UBE2D4: variants seen among roughly 807,000 people sequenced by gnomAD.
The protein encoded by UBE2D4 is ubiquitin-conjugating enzyme E2 D4.
Under a neutral mutation model 23.0 loss-of-function variants are expected in UBE2D4, and 17 were observed. The ratio of observed to expected loss-of-function variants is 0.74; its 90% CI spans 0.51 to 1.11. The LOEUF is 1.11. UBE2D4 is among the 50% of genes least tolerant of loss of function. The pLI, the probability that UBE2D4 is intolerant of heterozygous loss-of-function variation, is 0.00. For missense variants in UBE2D4, 139 were observed against 181.8 expected (o/e 0.76, Z 1.35); for synonymous variants, 61 against 69.4 (o/e 0.88, Z 0.60).
At chr7:43,929,510 G>T (rs2095940866) in intron 1 of UBE2D4, among the ~76,000 whole-genome samples, 1 of 151,810 alleles carries the variant, frequency 6.6e-6, no homozygotes, top group Middle Eastern at 3.2e-3. Flanking sequence ...AGCTACTTAG[G>T]AGGCTAAGGT....
intron 6 of UBE2D4, among the ~76,000 whole-genome samples, chr7:43,951,632 C>T (rs1306576740): frequency 6.6e-6 from 1 of 152,040 alleles, no homozygotes; most frequent in Non-Finnish European, 1.5e-5. Flanking sequence ...CCAGGCTCAA[C>T]CTATCCTCCT....
intron 1 of UBE2D4, among the ~76,000 whole-genome samples, chr7:43,931,289 T>G (rs1347830977): frequency 3.3e-5 from 5 of 151,796 alleles, no homozygotes; most frequent in Admixed American, 3.3e-4. Flanking sequence ...ATAGAAAAAA[T>G]TAGACAGGCA....
At chr7:43,934,018 A>T (rs890315908) in intron 1 of UBE2D4, among the ~76,000 whole-genome samples, 1 of 152,240 alleles carries the variant, frequency 6.6e-6, no homozygotes, top group Admixed American at 6.5e-5. Context: ...TTTAGCACTG[A>T]AAAGAAAAGC....
rs2096009630 is a variant in UBE2D4, at chr7:43,954,520, GGCCTCCCAAAGTGCTGGGATTACAGGC to G, written c.*1827_*1853del. 6.6e-6 allele frequency: 1 copy of G among 152,134 alleles called. No homozygotes were observed. The highest frequency in any genetic ancestry group is 2.4e-5 in the African/African-American group (1 of 41,420). The allele number at this position is 152,134 out of a possible 1,614,324, so 9.4% of individuals were successfully genotyped here. A position where few individuals can be genotyped will look rare whatever the true frequency, so the allele number is the denominator to read the frequency against. ...TGGCCTCAAGTGACCCGCCCACATTGGCCTCCCAAAGTGCTGGGATTACAGGCGTGAGCCCCCGTGCCCAGCAAGGAT... is the reference window on the plus strand; with the variant it reads ...TGGCCTCAAGTGACCCGCCCACATTGGTGAGCCCCCGTGCCCAGCAAGGAT... On this transcript the variant is annotated 3_prime_UTR_variant, in exon 7 of 7. Transcript: ENST00000222402.
intron 6 of UBE2D4, among the ~76,000 whole-genome samples, chr7:43,951,386 G>A (rs950259205): frequency 2.0e-4 from 31 of 152,340 alleles, no homozygotes; most frequent in African/African-American, 7.0e-4. Flanking sequence ...GGCAGGGGCC[G>A]CAGTCCAGTG....
rs1010984012 is a variant in UBE2D4 at position 43,944,384 on chromosome 7, T to G, written c.198+1353T>G. The G allele has an allele frequency of 5.9e-5, 9 of 152,166 alleles. No individual in the cohort carries two copies. Among genetic ancestry groups the G allele is most frequent in the African/African-American group, 2.2e-4 (9 of 41,424 alleles). The allele number at this position is 152,166 out of a possible 1,614,324, so 9.4% of individuals were successfully genotyped here. A position where few individuals can be genotyped will look rare whatever the true frequency, so the allele number is the denominator to read the frequency against. On this transcript the variant is annotated intron_variant, in intron 4 of 6. Transcript: ENST00000222402. This position sits in a 1 kb window ranked among gnomAD's most constrained non-coding sequence, Gnocchi z 4.0. ...GGTTGTGCATTTTGTCAAGACTTAC[T>G]CGAAAGTCCTGCATCTGCATCAGAC... is the stretch of plus-strand genomic sequence containing the variant.
intron 1 of UBE2D4, 54 bp from the exon 2 acceptor site, chr7:43,938,377 T>A (rs751788479): frequency 1.9e-6 from 3 of 1,545,372 alleles, no homozygotes; most frequent in Non-Finnish European, 2.7e-6. Context: ...GATTGGTATG[T>A]AGAGGCAGCA....
At chr7:43,929,768 T>C (rs1380905017) in intron 1 of UBE2D4, among the ~76,000 whole-genome samples, 5 of 152,238 alleles carry the variant, frequency 3.3e-5, no homozygotes, top group African/African-American at 1.2e-4. Flanking sequence ...CTTGAGACCC[T>C]ACATTTTCAC....
intron 4 of UBE2D4, among the ~76,000 whole-genome samples, chr7:43,947,468 G>A (rs914479324): frequency 6.6e-6 from 1 of 152,172 alleles, no homozygotes; most frequent in Non-Finnish European, 1.5e-5. Context: ...AGTTTGCTGA[G>A]AATGATGGTT....
chr7:43,946,489 C>A (rs2095987509), intron 4 of UBE2D4, among the ~76,000 whole-genome samples: 1 of 151,836 alleles, frequency 6.6e-6, no homozygotes, highest in African/African-American at 2.4e-5. Flanking sequence ...CAAGAGTAAT[C>A]TCAACCTGGA....
intron 2 of UBE2D4, among the ~76,000 whole-genome samples, chr7:43,940,145 G>A (rs2095968162): frequency 6.6e-6 from 1 of 152,234 alleles, no homozygotes. Flanking sequence ...GGCAGATGGA[G>A]CCACTGAAAA....
chr7:43,935,989 C>T (rs1312045076), intron 1 of UBE2D4, among the ~76,000 whole-genome samples: 1 of 152,198 alleles, frequency 6.6e-6, no homozygotes, highest in African/African-American at 2.4e-5. Flanking sequence ...ATTCTTGTGC[C>T]TCAGCCTCCT....
chr7:43,939,562 A>G (rs1479048097), intron 2 of UBE2D4, among the ~76,000 whole-genome samples: 2 of 152,188 alleles, frequency 1.3e-5, no homozygotes, highest in East Asian at 3.9e-4. Context: ...GTTCAAGGAG[A>G]GTGGTGTCAG....
rs1457938328 is a variant in UBE2D4 at position 43,954,013 on chromosome 7, G to A, written c.*1318G>A. On this transcript the variant is annotated 3_prime_UTR_variant, in exon 7 of 7. Coordinates refer to ENST00000222402, the MANE Select transcript of UBE2D4 (RefSeq NM_015983.4). Reference sequence around the variant, plus strand: ...ACCTAACATAAGCAGTCAGCCAAAGGTGGCTGTGGGAGGTTGATTTCTTCC... The same window carrying A: ...ACCTAACATAAGCAGTCAGCCAAAGATGGCTGTGGGAGGTTGATTTCTTCC... 6.6e-6 allele frequency: 1 copy of A among 152,198 alleles called. No individual in the cohort carries two copies. Among genetic ancestry groups the A allele is most frequent in the Non-Finnish European group, 1.5e-5 (1 of 68,044 alleles). 9.4% of individuals were successfully genotyped at this position (152,198 alleles called of 1,614,324 possible).
chr7:43,948,721 G>A lies in UBE2D4; in HGVS notation c.288G>A (p.Ala96=), dbSNP rs147837555. 5.3e-5 allele frequency: 86 copies of A among 1,612,652 alleles called. No homozygotes were observed. The African/African-American group carries it at 9.1e-4, about 17-fold the overall frequency. Reference sequence around the variant, plus strand: ...TCCTGCGGTCTCAGTGGTCTCCAGCGTTGACTGTGTCAAAAGGTAGAGATG... The same window carrying A: ...TCCTGCGGTCTCAGTGGTCTCCAGCATTGACTGTGTCAAAAGGTAGAGATG... ...LDILRSQWSP[A]LTVSKVLLSI... is the part of the protein sequence containing the mutation. The change falls in exon 5 of 7, where the codon GCG becomes GCA. Residue 96 remains alanine (A), a synonymous_variant. Transcript: ENST00000222402.
chr7:43,937,160 A>G (rs549828764), intron 1 of UBE2D4, among the ~76,000 whole-genome samples: 2 of 152,302 alleles, frequency 1.3e-5, no homozygotes, highest in African/African-American at 4.8e-5. Context: ...TGTGAGGTGG[A>G]GGGGAATTGG....
chr7:43,935,349 A>C (rs1314989557), intron 1 of UBE2D4, among the ~76,000 whole-genome samples: 1 of 152,182 alleles, frequency 6.6e-6, no homozygotes, highest in Non-Finnish European at 1.5e-5. Flanking sequence ...ATTCTAACCC[A>C]AAATATTTTT....
At chr7:43,927,900 T>C (rs1342287251) in intron 1 of UBE2D4, 2 of 350,550 alleles carry the variant, frequency 5.7e-6, no homozygotes, top group Non-Finnish European at 1.1e-5. Flanking sequence ...AATTCTTCAC[T>C]AAGTATTTGC....
At chr7:43,934,741 A>T (rs2595648) in intron 1 of UBE2D4, among the ~76,000 whole-genome samples, 105,769 of 151,814 alleles carry the variant, frequency 0.7, 36,895 homozygotes, top group African/African-American at 0.76. Flanking sequence ...TAAAAAAAAT[A>T]TTTTTTCTCA....
Sources: allele counts gnomAD v4.1 joint callset (sites outside exome capture counted in the v4.1 genomes callset), GRCh38; gene constraint gnomAD v4.1.1; non-coding constraint Gnocchi (gnomAD v3.1); transcripts MANE v1.5; gene names NCBI Gene and HGNC (gene_info 2026-07-23, HGNC 2026-07-21).